COL6A5: variants seen among roughly 807,000 people sequenced by gnomAD.
COL6A5 encodes the protein collagen alpha-5(VI) chain.
Under a neutral mutation model 65.6 loss-of-function variants are expected in COL6A5, and 48 were observed. The ratio of observed to expected loss-of-function variants is 0.73; its 90% CI spans 0.58 to 0.93. COL6A5 has a LOEUF of 0.93. Ranked by LOEUF, COL6A5 falls within the 40% of genes least tolerant of loss-of-function variation. The pLI is 0.00. For missense variants in COL6A5, 914 were observed against 928.3 expected (o/e 0.98, Z 0.20); for synonymous variants, 291 against 322.8 (o/e 0.90, Z 1.05).
At chr3:130,439,606 C>T in exon 2 of COL6A5, 1 of 1,550,420 alleles carries the variant, frequency 6.4e-7, no homozygotes. Flanking sequence ...GCGCTGTGCA[C>T]TTTGCTATGG....
At chr3:130,407,518 G>A (rs1937034152) in intron 17 of COL6A5, among the ~76,000 whole-genome samples, 1 of 152,218 alleles carries the variant, frequency 6.6e-6, no homozygotes, top group Non-Finnish European at 1.5e-5. Flanking sequence ...AAGTGATGAA[G>A]CCTTCAAGTA....
At chr3:130,465,572 G>A (rs1709795670) in intron 5 of COL6A5, among the ~76,000 whole-genome samples, 1 of 152,008 alleles carries the variant, frequency 6.6e-6, no homozygotes, top group Non-Finnish European at 1.5e-5. Context: ...AATCATAATA[G>A]CAAGATCCAA....
chr3:130,392,092 G>C (rs915298309), intron 7 of COL6A5, among the ~76,000 whole-genome samples: 1 of 152,144 alleles, frequency 6.6e-6, no homozygotes, highest in East Asian at 1.9e-4. Context: ...TGCTCCATTT[G>C]GTTAATGCTC....
chr3:130,391,211 T>C, exon 7 of COL6A5: 1 of 1,551,518 alleles, frequency 6.4e-7, no homozygotes, highest in Non-Finnish European at 8.7e-7. Context: ...AGACGTTGTG[T>C]TTGTGCTGGA....
At chr3:130,401,927 T>A (rs1054530843) in intron 12 of COL6A5, 73 bp downstream of exon 12, 2 of 1,080,386 alleles carry the variant, frequency 1.9e-6, no homozygotes, top group Middle Eastern at 2.0e-4. Flanking sequence ...GACTGAGTGG[T>A]TGAATTTACA....
intron 7 of COL6A5, chr3:130,476,811 C>T: frequency 1.6e-6 from 1 of 615,330 alleles, no homozygotes; most frequent in South Asian, 1.6e-5. Context: ...CAAAAGTTTT[C>T]TGCATTTTTC....
intron 7 of COL6A5, among the ~76,000 whole-genome samples, chr3:130,394,633 C>A (rs1303584835): frequency 6.6e-6 from 1 of 152,096 alleles, no homozygotes; most frequent in Non-Finnish European, 1.5e-5. Flanking sequence ...TTCTTACTTT[C>A]TTTCTCTGAT....
chr3:130,382,730 A>C (rs766908808), intron 4 of COL6A5, among the ~76,000 whole-genome samples: 16 of 152,138 alleles, frequency 1.1e-4, no homozygotes, highest in Non-Finnish European at 2.1e-4. Flanking sequence ...AGTCCCTGCT[A>C]TATCTACTAC....
chr3:130,426,368 A>G (rs1038729423), exon 31 of COL6A5: 1 of 1,551,364 alleles, frequency 6.4e-7, no homozygotes, highest in Non-Finnish European at 8.7e-7. Context: ...CATTTACAGC[A>G]ATGTGATCTG....
intron 1 of COL6A5, among the ~76,000 whole-genome samples, chr3:130,360,744 A>G (rs1935077469): frequency 6.6e-6 from 1 of 152,136 alleles, no homozygotes; most frequent in Non-Finnish European, 1.5e-5. Flanking sequence ...TTGTTATACC[A>G]TTCTTATGAT....
intron 1 of COL6A5, among the ~76,000 whole-genome samples, chr3:130,356,932 G>A (rs1268688765): frequency 6.6e-6 from 1 of 152,090 alleles, no homozygotes; most frequent in Non-Finnish European, 1.5e-5. Context: ...AATTCAACAA[G>A]TTAGGGGTAA....
chr3:130,399,336 T>TTTGC, intron 10 of COL6A5, among the ~76,000 whole-genome samples: 1 of 152,160 alleles, frequency 6.6e-6, no homozygotes, highest in East Asian at 1.9e-4. Flanking sequence ...GAACCTGGCC[T>TTTGC]TTGCTTGCCA....
exon 4 of COL6A5, chr3:130,379,752 A>G: frequency 6.4e-7 from 1 of 1,551,470 alleles, no homozygotes; most frequent in Non-Finnish European, 8.7e-7. Context: ...GCAGCAGAAG[A>G]GCACAAGGAG....
chr3:130,470,893 C>T (rs145645992), exon 7 of COL6A5: 8 of 1,612,168 alleles, frequency 5.0e-6, no homozygotes, highest in African/African-American at 2.7e-5. Context: ...AATATCCCAC[C>T]GAAGATATGA....
chr3:130,452,134 A>T (rs1709457147), intron 4 of COL6A5, among the ~76,000 whole-genome samples: 1 of 152,086 alleles, frequency 6.6e-6, no homozygotes, highest in Admixed American at 6.5e-5. Flanking sequence ...TGATGCTTAG[A>T]CTCTGCATGA....
chr3:130,468,021 C>A, intron 5 of COL6A5, among the ~76,000 whole-genome samples: 1 of 151,970 alleles, frequency 6.6e-6, no homozygotes, highest in Non-Finnish European at 1.5e-5. Context: ...AGCAGAGCTA[C>A]TTGAAGTGCT....
chr3:130,402,631 GGA>G (rs1936853925), intron 12 of COL6A5, among the ~76,000 whole-genome samples: 1 of 152,148 alleles, frequency 6.6e-6, no homozygotes, highest in South Asian at 2.1e-4. Context: ...TCAGAAGTCA[GGA>G]GGGCCCTTGT....
rs547521897 is a variant in COL6A5, at chr3:130,440,766, A to G, written c.1184A>G (p.His395Arg). 38 of 1,613,362 alleles carry G rather than the reference A, an allele frequency of 2.4e-5. No homozygotes were observed. The South Asian group carries it at 3.5e-4, about 15-fold the overall frequency. ...CACCTGATACAGCTTGGGAGAATAC[A>G]TAAACCAGATCTGAATTATATTGCG... is the stretch of plus-strand genomic sequence containing the variant. The change falls in exon 3 of 8, where the codon CAT becomes CGT. Residue 395 changes from histidine (H) to arginine (R), a missense_variant. Coordinates refer to ENST00000512836, the Ensembl canonical transcript of COL6A5.
chr3:130,390,214 G>C (rs1013089246), intron 6 of COL6A5, among the ~76,000 whole-genome samples: 1 of 152,098 alleles, frequency 6.6e-6, no homozygotes, highest in African/African-American at 2.4e-5. Context: ...TAATGTAAAT[G>C]TGGAGGCCCT....
Sources: gnomAD v4.1 joint callset for allele counts (sites outside exome capture counted in the v4.1 genomes callset) on GRCh38, gnomAD v4.1.1 for gene constraint, MANE v1.5 for transcripts, NCBI Gene and HGNC (gene_info 2026-07-23, HGNC 2026-07-21) for gene names.